The following ADAMTS16 variants were observed in gnomAD, a reference collection of about 807,000 sequenced individuals.
ADAMTS16 encodes the protein A disintegrin and metalloproteinase with thrombospondin motifs 16.
A neutral mutation model predicts 145.8 loss-of-function variants in ADAMTS16; 94 were observed. That is an observed-to-expected ratio of 0.64 (90% CI 0.55 to 0.77). The LOEUF is 0.77. Ranked by LOEUF, ADAMTS16 falls within the 30% of genes least tolerant of loss-of-function variation. The pLI, the probability that ADAMTS16 is intolerant of heterozygous loss-of-function variation, is 0.00. For synonymous variants in ADAMTS16, 659 were observed against 604.3 expected (o/e 1.09, Z -1.33); for missense variants, 1,585 against 1,591.5 (o/e 1.00, Z 0.07).
intron 16 of ADAMTS16, 132 bp downstream of exon 16, chr5:5,240,057 G>T: frequency 7.2e-7 from 1 of 1,395,318 alleles, no homozygotes; most frequent in Non-Finnish European, 9.6e-7. Context: ...TCCATAGCCG[G>T]AATGAGGCAG....
intron 3 of ADAMTS16, among the ~76,000 whole-genome samples, chr5:5,150,081 C>G (rs1734408345): frequency 6.6e-6 from 1 of 152,156 alleles, no homozygotes. Flanking sequence ...TATGGAAACT[C>G]TACACTTAAC....
At chr5:5,236,919 G>A (rs1737126048) in intron 13 of ADAMTS16, 50 bp from the exon 14 acceptor site, 3 of 1,558,568 alleles carry the variant, frequency 1.9e-6, no homozygotes, top group Non-Finnish European at 2.6e-6. Context: ...AAAATGATCA[G>A]AGCTTAAGTA....
chr5:5,154,297 C>T (rs1304096974), intron 3 of ADAMTS16, among the ~76,000 whole-genome samples: 2 of 152,128 alleles, frequency 1.3e-5, no homozygotes, highest in Non-Finnish European at 2.9e-5. Flanking sequence ...GGATAAAGAA[C>T]GGCCAAAGCT....
chr5:5,172,516 A>G (rs1735069022), intron 3 of ADAMTS16, among the ~76,000 whole-genome samples: 1 of 152,092 alleles, frequency 6.6e-6, no homozygotes, highest in African/African-American at 2.4e-5. Context: ...ATTCAGGAGC[A>G]TATTATTTAA....
chr5:5,262,720 G>T lies in ADAMTS16; in HGVS notation c.2726G>T (p.Cys909Phe), dbSNP rs769777503. Reference protein sequence around the residue: ...DLKFQVNMSFCNPKTRPVTGL... With the variant: ...DLKFQVNMSFFNPKTRPVTGL... ...AAGTTTCAAGTAAATATGTCCTTCT[G>T]CAATCCCAAGACACGACCTGTCACG... The change falls in exon 18 of 23, where the codon TGC becomes TTC. Residue 909 changes from cysteine (C) to phenylalanine (F), a missense_variant. This residue lies in a region of ADAMTS16 where 834 missense variants were observed against 811.7 expected (regional missense o/e 1.03). Coordinates refer to ENST00000274181, the MANE Select transcript of ADAMTS16 (RefSeq NM_139056.4). The T allele has an allele frequency of 1.9e-6, 3 of 1,614,222 alleles. No individual in the cohort carries two copies. The South Asian group carries it at 3.3e-5, about 18-fold the overall frequency.
chr5:5,208,998 T>C, intron 9 of ADAMTS16, 95 bp from the exon 10 acceptor site: 1 of 1,396,298 alleles, frequency 7.2e-7, no homozygotes, highest in Non-Finnish European at 9.8e-7. Context: ...CAATATATGT[T>C]GTAAAATTAC....
At position 5,318,165 on chromosome 5, in the gene ADAMTS16, C is replaced by T. The variant is rs775064149; in HGVS notation, c.3443C>T (p.Thr1148Met). The change falls in exon 22 of 23, where the codon ACG becomes ATG. Residue 1148 changes from threonine (T) to methionine (M), a missense_variant. By Grantham distance (81) the Thr-to-Met change is moderately conservative. Transcript: ENST00000274181. ...CTASCGGGVQ[T>M]RSVQCLAGGR... Reference sequence around the variant, plus strand: ...GCCAGCTGTGGGGGAGGCGTTCAGACGAGGTCCGTGCAGTGCCTGGCTGGG... The same window carrying T: ...GCCAGCTGTGGGGGAGGCGTTCAGATGAGGTCCGTGCAGTGCCTGGCTGGG... 1.9e-5 allele frequency: 29 copies of T among 1,527,612 alleles called. No homozygotes were observed. In the East Asian group the frequency reaches 1.9e-4, roughly 10 times the overall value. The allele number at this position is 1,527,612 out of a possible 1,614,324, so 94.6% of individuals were successfully genotyped here. A position where few individuals can be genotyped will look rare whatever the true frequency, so the allele number is the denominator to read the frequency against.
At chr5:5,151,518 G>A (rs1467350692) in intron 3 of ADAMTS16, among the ~76,000 whole-genome samples, 2 of 152,056 alleles carry the variant, frequency 1.3e-5, no homozygotes, top group African/African-American at 2.4e-5. Context: ...AACCACAGGT[G>A]TGAACCACTG....
intron 10 of ADAMTS16, among the ~76,000 whole-genome samples, chr5:5,222,369 G>A (rs1736633125): frequency 6.6e-6 from 1 of 151,970 alleles, no homozygotes; most frequent in African/African-American, 2.4e-5. Context: ...AAGTGAACAA[G>A]CATCCTAAAC....
rs139728714 is a variant in ADAMTS16, at chr5:5,265,138, G to A, written c.2789+2355G>A. ...AGGCAGAATGTAGCATGGCACAGTT[G>A]TCAGCAAAAGTGATCTTCCTGTCCG... On this transcript the variant is annotated intron_variant, in intron 18 of 22. Coordinates refer to ENST00000274181, the MANE Select transcript of ADAMTS16 (RefSeq NM_139056.4). 5.1e-3 allele frequency among the ~76,000 whole-genome samples: 774 copies of A among 152,316 alleles called. 13 individuals carry two copies. The highest frequency in any genetic ancestry group is 0.035 in the East Asian group (180 of 5,166).
chr5:5,260,836 G>A (rs1737987557), intron 17 of ADAMTS16, among the ~76,000 whole-genome samples: 1 of 152,200 alleles, frequency 6.6e-6, no homozygotes, highest in Non-Finnish European at 1.5e-5. Context: ...CTTAAGTCAG[G>A]AAGGGTTTGA....
chr5:5,190,389 A>G (rs1252237885), intron 7 of ADAMTS16, among the ~76,000 whole-genome samples: 1 of 152,116 alleles, frequency 6.6e-6, no homozygotes, highest in Non-Finnish European at 1.5e-5. Flanking sequence ...AAATACATAT[A>G]TATTTTTTGT....
At chr5:5,143,645 T>C (rs547682301) in intron 2 of ADAMTS16, among the ~76,000 whole-genome samples, 1 of 152,318 alleles carries the variant, frequency 6.6e-6, no homozygotes, top group East Asian at 1.9e-4. Flanking sequence ...ACCCAGAGAA[T>C]TATAAATCAT....
intron 18 of ADAMTS16, among the ~76,000 whole-genome samples, chr5:5,280,160 T>C (rs1426779720): frequency 1.3e-5 from 2 of 152,162 alleles, no homozygotes; most frequent in African/African-American, 4.8e-5. Flanking sequence ...GAATCCTGAA[T>C]CCTGAATCCT....
chr5:5,148,423 G>T (rs1734360796), intron 3 of ADAMTS16, among the ~76,000 whole-genome samples: 1 of 152,208 alleles, frequency 6.6e-6, no homozygotes, highest in Non-Finnish European at 1.5e-5. Flanking sequence ...TGTTTAATTT[G>T]TAGGATAAGA....
In ADAMTS16 at chr5:5,146,379, A is replaced by C; in HGVS notation, c.425A>C (p.Glu142Ala). The change falls in exon 3 of 23, where the codon GAG becomes GCG. Residue 142 changes from glutamate (E) to alanine (A), a missense_variant. Glu to Ala is a moderately radical substitution (Grantham distance 107). Around this residue, in one of 3 missense-constraint regions of ADAMTS16, gnomAD observed 453 missense variants for 412.1 expected, o/e 1.10. Coordinates refer to ENST00000274181, the MANE Select transcript of ADAMTS16 (RefSeq NM_139056.4). ...GTKSVQTLPP[E>A]DFCFYQGSLR... Reference sequence around the variant, plus strand: ...AAGTCTGTGCAGACTTTACCGCCAGAGGACTTCTGTTTCTATCAAGGCTCT... The same window carrying C: ...AAGTCTGTGCAGACTTTACCGCCAGCGGACTTCTGTTTCTATCAAGGCTCT... 1 of 1,614,102 alleles carries C rather than the reference A, an allele frequency of 6.2e-7. No individual in the cohort carries two copies. The highest frequency in any genetic ancestry group is 8.5e-7 in the Non-Finnish European group (1 of 1,180,038).
intron 3 of ADAMTS16, among the ~76,000 whole-genome samples, chr5:5,158,533 C>A (rs1734660694): frequency 6.6e-6 from 1 of 152,124 alleles, no homozygotes; most frequent in South Asian, 2.1e-4. Context: ...CAAGGAGTGT[C>A]TCTGAGGCCC....
chr5:5,158,922 C>T (rs2126523502), intron 3 of ADAMTS16, among the ~76,000 whole-genome samples: 1 of 152,336 alleles, frequency 6.6e-6, no homozygotes, highest in East Asian at 1.9e-4. Context: ...TTAAGATTCT[C>T]ATGAATAGGC....
At chr5:5,277,047 C>T (rs1305599394) in intron 18 of ADAMTS16, among the ~76,000 whole-genome samples, 2 of 152,170 alleles carry the variant, frequency 1.3e-5, no homozygotes, top group African/African-American at 4.8e-5. Flanking sequence ...TTCTGAAAAT[C>T]GCAGATGCTA....
Sources: allele counts gnomAD v4.1 joint callset (sites outside exome capture counted in the v4.1 genomes callset), GRCh38; gene constraint gnomAD v4.1.1; regional missense constraint gnomAD v4.1.1; transcripts MANE v1.5; gene names NCBI Gene and HGNC (gene_info 2026-07-23, HGNC 2026-07-21).